Variants in HDAC2 observed in about 807,000 individuals in gnomAD.
The protein encoded by HDAC2 is YY1-associated factor 1.
Under a neutral mutation model 68.5 loss-of-function variants are expected in HDAC2, and 5 were observed. The ratio of observed to expected loss-of-function variants is 0.07; its 90% CI spans 0.04 to 0.15. The LOEUF is 0.15. Among genes scored for constraint, HDAC2 ranks in the 10% least tolerant of loss-of-function variants. The pLI, the probability that HDAC2 is intolerant of heterozygous loss-of-function variation, is 1.00. For missense variants in HDAC2, 291 were observed against 600.8 expected (o/e 0.48, Z 5.39); for synonymous variants, 182 against 191.3 (o/e 0.95, Z 0.40).
At chr6:113,942,798 G>A (rs146555538) in intron 12 of HDAC2, among the ~76,000 whole-genome samples, 1,589 of 152,242 alleles carry the variant, frequency 0.01, 18 homozygotes, top group Non-Finnish European at 0.015. Flanking sequence ...CTAACACAGC[G>A]TTTTAAAGTA....
At position 113,934,197 on chromosome 6, in the gene HDAC2, A is replaced by G. The variant is rs1423412932; in HGVS notation, c.*6861T>C. ...AAGAGCTTGCAGGACAGGAAAGGCA[A>G]AAACATTTTATCCTGAATGCCAACT... On this transcript the variant is annotated 3_prime_UTR_variant, in exon 14 of 14. Transcript: ENST00000519065. The G allele has an allele frequency of 6.6e-6, 1 of 152,240 alleles. No homozygotes were observed. Among genetic ancestry groups the G allele is most frequent in the African/African-American group, 2.4e-5 (1 of 41,466 alleles). The allele number at this position is 152,240 out of a possible 1,614,324, so 9.4% of individuals were successfully genotyped here.
At chr6:113,945,826 C>A (rs1178200550) in intron 9 of HDAC2, among the ~76,000 whole-genome samples, 182 bp downstream of exon 9, 1 of 152,160 alleles carries the variant, frequency 6.6e-6, no homozygotes, top group African/African-American at 2.4e-5. Flanking sequence ...CCTAACTGTT[C>A]TGAGCACGTT....
chr6:113,962,034 C>T (rs2114615407), intron 1 of HDAC2, among the ~76,000 whole-genome samples: 1 of 151,922 alleles, frequency 6.6e-6, no homozygotes, highest in South Asian at 2.1e-4. Flanking sequence ...GTGAAAAGCC[C>T]CAGGCCCCAA....
chr6:113,959,156 C>T (rs917331952), intron 2 of HDAC2, among the ~76,000 whole-genome samples: 19 of 152,022 alleles, frequency 1.2e-4, no homozygotes, highest in African/African-American at 3.9e-4. Context: ...TCTTTGTTCA[C>T]GACCTCTCGT....
chr6:113,956,233 T>C, intron 4 of HDAC2, 82 bp from the exon 5 acceptor site: 3 of 1,133,550 alleles, frequency 2.6e-6, no homozygotes, highest in Non-Finnish European at 3.8e-6. Flanking sequence ...TACAAGTGTA[T>C]GCCATGCATA....
At position 113,971,088 on chromosome 6, in the gene HDAC2, C is replaced by T. The variant is rs1446727856; in HGVS notation, c.-180G>A. On this transcript the variant is annotated 5_prime_UTR_variant, in exon 1 of 14. Coordinates refer to ENST00000519065, the MANE Select transcript of HDAC2 (RefSeq NM_001527.4). The stretch of plus-strand genomic sequence containing the variant: ...GGCGCCGGGAAGGCTCGGTACCACC[C>T]GGCAGAGGTGCCGAAAGCTCGGAAT... 6.5e-7 allele frequency: 1 copy of T among 1,547,422 alleles called. No homozygotes were observed. Among genetic ancestry groups the T allele is most frequent in the Admixed American group, 2.0e-5 (1 of 50,910 alleles).
chr6:113,959,637 T>G, intron 2 of HDAC2: 4 of 209,500 alleles, frequency 1.9e-5, no homozygotes, highest in Non-Finnish European at 3.7e-5. Flanking sequence ...TATGCTACAC[T>G]GAGTTGTTGC....
intron 13 of HDAC2, among the ~76,000 whole-genome samples, chr6:113,941,398 AT>A (rs1776129930): frequency 6.6e-6 from 1 of 152,156 alleles, no homozygotes; most frequent in Non-Finnish European, 1.5e-5. Flanking sequence ...CACTAAAAAA[AT>A]CATGTACACA....
chr6:113,953,250 A>AT (rs759410233), intron 6 of HDAC2, 27 bp downstream of exon 6: 19 of 1,572,436 alleles, frequency 1.2e-5, no homozygotes, highest in Middle Eastern at 1.7e-4. Context: ...ATCTCACAAT[A>AT]TTTTTTCAGA....
chr6:113,951,875 T>C lies in HDAC2; in HGVS notation c.639+1402A>G, dbSNP rs1018771743. Among the ~76,000 whole-genome samples, 6 of 152,300 alleles carry C rather than the reference T, an allele frequency of 3.9e-5. No individual in the cohort carries two copies. In the South Asian group the frequency reaches 1.2e-3, roughly 32 times the overall value. On this transcript the variant is annotated intron_variant, in intron 6 of 13. Coordinates refer to ENST00000519065, the MANE Select transcript of HDAC2 (RefSeq NM_001527.4). ...TCAAAAACTTCAAACTGTAAGAATT[T>C]TGAATAATAACTGAGATGAGACCAT...
chr6:113,969,638 G>A (rs1253570742), intron 1 of HDAC2: 3 of 152,184 alleles, frequency 2.0e-5, no homozygotes, highest in African/African-American at 7.2e-5. Flanking sequence ...AAGCCTTTGT[G>A]AAATCTGTAT....
chr6:113,956,819 A>G (rs1370744503), intron 3 of HDAC2, 126 bp from the exon 4 acceptor site: 2 of 647,158 alleles, frequency 3.1e-6, no homozygotes, highest in African/African-American at 1.8e-5. Context: ...ACTTCACAGT[A>G]TAATATAAAG....
intron 9 of HDAC2, among the ~76,000 whole-genome samples, 184 bp from the exon 10 acceptor site, chr6:113,945,654 A>T (rs1356357810): frequency 6.6e-6 from 1 of 152,254 alleles, no homozygotes. Context: ...ATCTATTTCT[A>T]TATACAGACA....
chr6:113,937,658 G>A lies in HDAC2; in HGVS notation c.*3400C>T, dbSNP rs940733660. 1.3e-5 allele frequency: 2 copies of A among 152,300 alleles called. No homozygotes were observed. Among genetic ancestry groups the A allele is most frequent in the Non-Finnish European group, 2.9e-5 (2 of 68,168 alleles). The allele number at this position is 152,300 out of a possible 1,614,324, so 9.4% of individuals were successfully genotyped here. On this transcript the variant is annotated 3_prime_UTR_variant, in exon 14 of 14. Transcript: ENST00000519065. ...AGCCTAGGAGTTTGTGACCAGCCTG[G>A]GCAACACAGGGAGACACCATCTCTC...
At chr6:113,953,465 G>C (rs777210414) in intron 5 of HDAC2, 47 bp from the exon 6 acceptor site, 3 of 1,203,998 alleles carry the variant, frequency 2.5e-6, no homozygotes, top group Non-Finnish European at 3.5e-6. Context: ...AAGGTTCTAA[G>C]ATGGGAAGAA....
intron 8 of HDAC2, chr6:113,948,698 GTTTT>G (rs1384339011): frequency 6.2e-6 from 2 of 324,370 alleles, no homozygotes; most frequent in Non-Finnish European, 1.1e-5. Flanking sequence ...AAGTATGCAT[GTTTT>G]ATTTACACTG....
rs1326672163 is a variant in HDAC2, at chr6:113,971,128, G to A, written c.-220C>T. The A allele has an allele frequency of 2.0e-6, 3 of 1,511,230 alleles. No homozygotes were observed. Among genetic ancestry groups the A allele is most frequent in the Non-Finnish European group, 2.7e-6 (3 of 1,123,996 alleles). 93.6% of individuals were successfully genotyped at this position (1,511,230 alleles called of 1,614,324 possible). ...AAGCTCGGAATCGGAGGTGGCAGCG[G>A]CACCAACTCGCGAGGAGGGGGCCAC... On this transcript the variant is annotated 5_prime_UTR_variant, in exon 1 of 14. Coordinates refer to ENST00000519065, the MANE Select transcript of HDAC2 (RefSeq NM_001527.4).
At position 113,939,183 on chromosome 6, in the gene HDAC2, CCT is replaced by C. The variant is rs1354842668; in HGVS notation, c.*1873_*1874del. 1 of 152,356 alleles carries C rather than the reference CCT, an allele frequency of 6.6e-6. No homozygotes were observed. Among genetic ancestry groups the C allele is most frequent in the African/African-American group, 2.4e-5 (1 of 41,414 alleles). 9.4% of individuals were successfully genotyped at this position (152,356 alleles called of 1,614,324 possible). ...TCTCATAGGTGACTCTACCACAGCCCCTGTTGTCCTGTGAGCTGCAGGCACTG... is the reference window on the plus strand; with the variant it reads ...TCTCATAGGTGACTCTACCACAGCCCGTTGTCCTGTGAGCTGCAGGCACTG... On this transcript the variant is annotated 3_prime_UTR_variant, in exon 14 of 14. Transcript: ENST00000519065.
rs552488988 is a variant in HDAC2, at chr6:113,934,250, T to C, written c.*6808A>G. The C allele has an allele frequency of 3.9e-4, 59 of 152,306 alleles. No homozygotes were observed. The highest frequency in any genetic ancestry group is 1.3e-3 in the African/African-American group (53 of 41,566). The allele number at this position is 152,306 out of a possible 1,614,324, so 9.4% of individuals were successfully genotyped here. A position where few individuals can be genotyped will look rare whatever the true frequency, so the allele number is the denominator to read the frequency against. Reference sequence around the variant, plus strand: ...CTGGGTTAATGACTATCTGGGTTGATACGCATCTCAAGGCCAGAAAGGAAT... The same window carrying C: ...CTGGGTTAATGACTATCTGGGTTGACACGCATCTCAAGGCCAGAAAGGAAT... On this transcript the variant is annotated 3_prime_UTR_variant, in exon 14 of 14. Coordinates refer to ENST00000519065, the MANE Select transcript of HDAC2 (RefSeq NM_001527.4).
Sources: gnomAD v4.1 joint callset for allele counts (sites outside exome capture counted in the v4.1 genomes callset) on GRCh38, gnomAD v4.1.1 for gene constraint, MANE v1.5 for transcripts, NCBI Gene and HGNC (gene_info 2026-07-23, HGNC 2026-07-21) for gene names.